Variants in UQCC1 observed in about 807,000 individuals in gnomAD.
The protein encoded by UQCC1 is bFGF-repressed Zic-binding protein.
In UQCC1, 38 loss-of-function variants were observed where a neutral mutation model predicts 48.0. The observed-to-expected ratio is 0.79, with a 90% confidence interval of 0.61 to 1.04. The LOEUF (loss-of-function observed/expected upper bound fraction) is 1.04. Ranked by LOEUF, UQCC1 falls within the 50% of genes least tolerant of loss-of-function variation. UQCC1 has a pLI of 0.00. For missense variants in UQCC1, 368 were observed against 381.8 expected (o/e 0.96, Z 0.30); for synonymous variants, 111 against 129.2 (o/e 0.86, Z 0.95).
rs145025252 is a variant in UQCC1 at position 35,359,230 on chromosome 20, A to G, written c.464+7327T>C. Among the ~76,000 whole-genome samples the G allele has an allele frequency of 4.5e-4, 69 of 152,352 alleles. No homozygotes were observed. The East Asian group carries it at 0.011, about 25-fold the overall frequency. On this transcript the variant is annotated intron_variant, in intron 6 of 9. Transcript: ENST00000374385. Reference sequence around the variant, plus strand: ...TGCATTTACATTCATTCTGTCTCTCAGGACATTATAACTGTCCCCGTTTCA... The same window carrying G: ...TGCATTTACATTCATTCTGTCTCTCGGGACATTATAACTGTCCCCGTTTCA...
intron 6 of UQCC1, among the ~76,000 whole-genome samples, chr20:35,360,857 CAG>C (rs2146425177): frequency 6.6e-6 from 1 of 152,234 alleles, no homozygotes; most frequent in African/African-American, 2.4e-5. Context: ...TGTTCATACT[CAG>C]GGGAAGAGAC....
At chr20:35,399,581 C>G (rs370618786) in intron 1 of UQCC1, among the ~76,000 whole-genome samples, 3 of 152,100 alleles carry the variant, frequency 2.0e-5, no homozygotes, top group Admixed American at 1.3e-4. Flanking sequence ...CTAGGCCGGG[C>G]GCAGTGGCTC....
chr20:35,344,247 A>G (rs1218153758), intron 7 of UQCC1: 1 of 152,290 alleles, frequency 6.6e-6, no homozygotes, highest in African/African-American at 2.4e-5. Context: ...GGGACACTGC[A>G]TAAGAAGTAA....
intron 9 of UQCC1, 22 bp downstream of exon 9, chr20:35,306,644 G>GGGGA (rs778948784): frequency 1.3e-6 from 2 of 1,588,408 alleles, no homozygotes; most frequent in South Asian, 2.2e-5. Flanking sequence ...GGACTTGGGA[G>GGGGA]GGGAGGGAAA....
chr20:35,408,007 C>T (rs1225055251), intron 1 of UQCC1, among the ~76,000 whole-genome samples: 7 of 151,604 alleles, frequency 4.6e-5, no homozygotes, highest in East Asian at 2.0e-4. Context: ...GGGCAACACG[C>T]GTGAAACTCT....
At chr20:35,339,475 T>G (rs757602020) in intron 7 of UQCC1, among the ~76,000 whole-genome samples, 2 of 152,124 alleles carry the variant, frequency 1.3e-5, no homozygotes, top group Non-Finnish European at 2.9e-5. Context: ...TCAGACGGAA[T>G]AGCATAAACA....
intron 6 of UQCC1, among the ~76,000 whole-genome samples, chr20:35,347,985 G>A (rs1325969404): frequency 1.3e-5 from 2 of 152,140 alleles, no homozygotes; most frequent in African/African-American, 4.8e-5. Context: ...GACAACACCT[G>A]TCCAGAACAC....
At chr20:35,369,544 G>A (rs962387263) in intron 5 of UQCC1, among the ~76,000 whole-genome samples, 21 of 152,168 alleles carry the variant, frequency 1.4e-4, no homozygotes, top group African/African-American at 4.8e-4. Context: ...GCATAACACA[G>A]TTGTACATTT....
At position 35,374,144 on chromosome 20, in the gene UQCC1, G is replaced by T. The variant is rs572232631; in HGVS notation, c.406+40C>A. 3.1e-5 allele frequency: 47 copies of T among 1,495,356 alleles called. No individual in the cohort carries two copies. The South Asian group carries it at 5.3e-4, about 17-fold the overall frequency. 92.6% of individuals were successfully genotyped at this position (1,495,356 alleles called of 1,614,324 possible). ...AACACAACCATAAAAATGAAATGTA[G>T]ATTTGTTCTCCTTTTCAGTACTATC... On this transcript the variant is annotated intron_variant, in intron 5 of 9. Transcript: ENST00000374385.
intron 6 of UQCC1, among the ~76,000 whole-genome samples, chr20:35,359,843 T>C (rs937343697): frequency 4.6e-5 from 7 of 152,164 alleles, no homozygotes; most frequent in Non-Finnish European, 1.0e-4. Context: ...ATCTGTAAGC[T>C]GGCACACTGA....
rs113351627 is a variant in UQCC1 at position 35,381,918 on chromosome 20, C to T, written c.333G>A (p.Trp111Ter). 2 of 1,549,872 alleles carry T rather than the reference C, an allele frequency of 1.3e-6. No homozygotes were observed. The highest frequency in any genetic ancestry group is 1.8e-6 in the Non-Finnish European group (2 of 1,129,998). Residue 111 changes from tryptophan to a stop codon, truncating the protein, a stop_gained and splice_region_variant, in exon 4 of 10, where the codon TGG becomes TGA. Transcript: ENST00000374385. LOFTEE classifies it high-confidence loss of function. ...GFTGPLKYSK[W>*]KIKIAALRMY... ...ATGAGAAGAACTTAAAGGACTTTACCCATTTACTGTATTTCAAAGGTCCCG... is the reference window on the plus strand; with the variant it reads ...ATGAGAAGAACTTAAAGGACTTTACTCATTTACTGTATTTCAAAGGTCCCG...
intron 1 of UQCC1, among the ~76,000 whole-genome samples, chr20:35,401,902 C>A (rs1040508006): frequency 6.6e-6 from 1 of 151,708 alleles, no homozygotes; most frequent in Non-Finnish European, 1.5e-5. Context: ...CTCAGGTGAT[C>A]CCTCAGCCTC....
At chr20:35,399,651 G>A (rs1315722689) in intron 1 of UQCC1, among the ~76,000 whole-genome samples, 1 of 152,042 alleles carries the variant, frequency 6.6e-6, no homozygotes, top group African/African-American at 2.4e-5. Context: ...GAGGTCAGGA[G>A]TTCGAGACCA....
intron 6 of UQCC1, among the ~76,000 whole-genome samples, chr20:35,357,824 G>T (rs948895142): frequency 6.6e-6 from 1 of 151,994 alleles, no homozygotes; most frequent in African/African-American, 2.4e-5. Context: ...TAACAATAAC[G>T]TTGAGTCATT....
intron 1 of UQCC1, among the ~76,000 whole-genome samples, chr20:35,400,354 C>G (rs1252391991): frequency 6.6e-6 from 1 of 152,136 alleles, no homozygotes; most frequent in African/African-American, 2.4e-5. Flanking sequence ...CTCAACTTCT[C>G]CCAAGTTCAA....
chr20:35,317,641 T>A (rs945222140), intron 7 of UQCC1, among the ~76,000 whole-genome samples: 1 of 152,194 alleles, frequency 6.6e-6, no homozygotes, highest in Non-Finnish European at 1.5e-5. Context: ...CTCCCATTAG[T>A]CTGGGAGCTA....
At chr20:35,390,964 G>A (rs1218835120) in intron 2 of UQCC1, among the ~76,000 whole-genome samples, 1 of 152,146 alleles carries the variant, frequency 6.6e-6, no homozygotes. Context: ...GAGAGGTCGA[G>A]GTGGGCGGAT....
At chr20:35,371,699 GAAAAAAAAA>G (rs57335287) in intron 5 of UQCC1, among the ~76,000 whole-genome samples, 6 of 92,234 alleles carry the variant, frequency 6.5e-5, no homozygotes, top group African/African-American at 2.7e-4. Context: ...GGCACTTAAA[GAAAAAAAAA>G]AAAAAAAAAA....
chr20:35,340,947 C>T (rs369832425), intron 7 of UQCC1, among the ~76,000 whole-genome samples: 1 of 151,816 alleles, frequency 6.6e-6, no homozygotes, highest in Non-Finnish European at 1.5e-5. Flanking sequence ...AAATACCAGC[C>T]GGGGGTGGTG....
Sources: gnomAD v4.1 joint callset for allele counts (sites outside exome capture counted in the v4.1 genomes callset) on GRCh38, gnomAD v4.1.1 for gene constraint, MANE v1.5 for transcripts, NCBI Gene and HGNC (gene_info 2026-07-23, HGNC 2026-07-21) for gene names.